The following RAB2A variants were observed in gnomAD, a reference collection of about 807,000 sequenced individuals.
RAB2A encodes RAB2A, member RAS oncogene family, also known as ras-related protein Rab-2A.
Under a neutral mutation model 32.5 loss-of-function variants are expected in RAB2A, and 7 were observed. The observed-to-expected ratio is 0.22, with a 90% CI of 0.12 to 0.40. The LOEUF (loss-of-function observed/expected upper bound fraction) is 0.40. Ranked by LOEUF, RAB2A falls within the 10% of genes least tolerant of loss-of-function variation. The pLI is 1.00. For synonymous variants in RAB2A, 79 were observed against 85.2 expected (o/e 0.93, Z 0.40); for missense variants, 108 against 260.7 (o/e 0.41, Z 4.03).
intron 5 of RAB2A, among the ~76,000 whole-genome samples, chr8:60,587,212 A>G (rs1803865980): frequency 6.6e-6 from 1 of 152,174 alleles, no homozygotes; most frequent in African/African-American, 2.4e-5. Context: ...GTAGATTCAT[A>G]TATATATGAT....
At position 60,575,743 on chromosome 8, in the gene RAB2A, C is replaced by T. The variant is rs367622555; in HGVS notation, c.186+3630C>T. On this transcript the variant is annotated intron_variant, in intron 3 of 7. Transcript: ENST00000262646. The stretch of plus-strand genomic sequence containing the variant: ...TGCAATCTCAGCTCACCGCAACCTC[C>T]GCCTCCCGGGTTCAAGCGATTCTCT... Among the ~76,000 whole-genome samples, 17 of 151,388 alleles carry T rather than the reference C, an allele frequency of 1.1e-4. No homozygotes were observed. In the South Asian group the frequency reaches 1.5e-3, roughly 13 times the overall value.
chr8:60,581,946 C>CTTT (rs386412883), intron 3 of RAB2A, among the ~76,000 whole-genome samples: 35 of 140,392 alleles, frequency 2.5e-4, no homozygotes, highest in East Asian at 8.2e-4. Flanking sequence ...GTTTTTCTTT[C>CTTT]TTTTTTTTTT....
At chr8:60,595,660 AG>A (rs1429101778) in intron 6 of RAB2A, among the ~76,000 whole-genome samples, 1 of 152,224 alleles carries the variant, frequency 6.6e-6, no homozygotes. Context: ...TAATGATAAA[AG>A]AATCAGCCCT....
intron 5 of RAB2A, among the ~76,000 whole-genome samples, chr8:60,588,181 G>A (rs994224218): frequency 6.6e-6 from 1 of 152,088 alleles, no homozygotes; most frequent in African/African-American, 2.4e-5. Flanking sequence ...TACTCCAGAG[G>A]CTGAGGTGGT....
chr8:60,562,611 T>C lies in RAB2A; in HGVS notation c.118+3688T>C, dbSNP rs115635861. Among the ~76,000 whole-genome samples the C allele has an allele frequency of 1.9e-3, 293 of 152,284 alleles. 1 individual carries two copies. Among genetic ancestry groups the C allele is most frequent in the Middle Eastern group, 0.017 (5 of 294 alleles). ...CATTCACTATGCAGAGTCTCAATAT[T>C]TAAGATGTTTCAGGATATTTGAGGT... On this transcript the variant is annotated intron_variant, in intron 2 of 7. Coordinates refer to ENST00000262646, the MANE Select transcript of RAB2A (RefSeq NM_002865.3).
At chr8:60,557,535 CAAAA>C in intron 1 of RAB2A, among the ~76,000 whole-genome samples, 1 of 151,926 alleles carries the variant, frequency 6.6e-6, no homozygotes, top group Middle Eastern at 3.4e-3. Flanking sequence ...AACAAACAAA[CAAAA>C]AAAGATTTTC....
chr8:60,531,442 A>G (rs981504714), intron 1 of RAB2A, among the ~76,000 whole-genome samples: 1 of 152,226 alleles, frequency 6.6e-6, no homozygotes, highest in African/African-American at 2.4e-5. Context: ...TATACCTCAC[A>G]GGATTTTTGT....
At chr8:60,526,045 ATATATATATAT>A (rs1254123475) in intron 1 of RAB2A, among the ~76,000 whole-genome samples, 4 of 126,742 alleles carry the variant, frequency 3.2e-5, no homozygotes, top group African/African-American at 5.8e-5. Flanking sequence ...ATATATATAT[ATATATATATAT>A]AAGTTTTCTG....
intron 1 of RAB2A, among the ~76,000 whole-genome samples, chr8:60,533,818 A>G (rs974769392): frequency 7.2e-5 from 11 of 152,096 alleles, no homozygotes; most frequent in Non-Finnish European, 1.5e-4. Flanking sequence ...TAAAATACAA[A>G]AATTAGCTGG....
chr8:60,565,394 G>C (rs186888047), intron 2 of RAB2A, among the ~76,000 whole-genome samples: 1 of 144,270 alleles, frequency 6.9e-6, no homozygotes, highest in Non-Finnish European at 1.5e-5. Context: ...ACTCCAGCCT[G>C]GGCAACAGAG....
chr8:60,521,433 A>G (rs1349099881), intron 1 of RAB2A, among the ~76,000 whole-genome samples: 2 of 152,190 alleles, frequency 1.3e-5, no homozygotes, highest in Admixed American at 1.3e-4. Context: ...TTGAAATTAC[A>G]AGGTTATGTA....
intron 6 of RAB2A, among the ~76,000 whole-genome samples, chr8:60,601,091 T>G (rs559796447): frequency 6.6e-6 from 1 of 152,314 alleles, no homozygotes; most frequent in African/African-American, 2.4e-5. Flanking sequence ...AAATGAGAAT[T>G]CATCAGGAAG....
chr8:60,531,369 G>C (rs1285626387), intron 1 of RAB2A, among the ~76,000 whole-genome samples: 1 of 152,150 alleles, frequency 6.6e-6, no homozygotes, highest in African/African-American at 2.4e-5. Flanking sequence ...CCTCAGTAAA[G>C]TTCATACCTC....
chr8:60,571,569 T>C (rs368543074), intron 2 of RAB2A, among the ~76,000 whole-genome samples: 1 of 152,176 alleles, frequency 6.6e-6, no homozygotes, highest in Non-Finnish European at 1.5e-5. Context: ...TGTTAAAACA[T>C]TGATTATAGC....
At chr8:60,605,905 T>C (rs971778521) in intron 6 of RAB2A, among the ~76,000 whole-genome samples, 2 of 148,344 alleles carry the variant, frequency 1.3e-5, no homozygotes, top group Non-Finnish European at 3.0e-5. Context: ...TCCCAGCACT[T>C]TGGGAGGCCA....
intron 1 of RAB2A, among the ~76,000 whole-genome samples, chr8:60,544,535 T>A (rs1235781329): frequency 1.3e-5 from 2 of 149,858 alleles, no homozygotes; most frequent in Non-Finnish European, 3.0e-5. Flanking sequence ...AGGAATGCTA[T>A]TTTTTTTCCC....
At chr8:60,607,290 G>A (rs1032572904) in intron 6 of RAB2A, among the ~76,000 whole-genome samples, 7 of 151,530 alleles carry the variant, frequency 4.6e-5, no homozygotes, top group Middle Eastern at 3.4e-3. Context: ...TTAGCCGGGC[G>A]TGGTGGCAGG....
chr8:60,554,864 G>A (rs1296347541), intron 1 of RAB2A, among the ~76,000 whole-genome samples: 3 of 151,556 alleles, frequency 2.0e-5, no homozygotes, highest in African/African-American at 7.3e-5. Flanking sequence ...AAAAAAAAAA[G>A]AAAGAAAAAA....
At chr8:60,563,406 C>G (rs1227712352) in intron 2 of RAB2A, among the ~76,000 whole-genome samples, 1 of 152,164 alleles carries the variant, frequency 6.6e-6, no homozygotes, top group African/African-American at 2.4e-5. Context: ...TGTTAAAGAA[C>G]CTACTGAATC....
Sources: gnomAD v4.1 joint callset for allele counts (sites outside exome capture counted in the v4.1 genomes callset) on GRCh38, gnomAD v4.1.1 for gene constraint, MANE v1.5 for transcripts, NCBI Gene and HGNC (gene_info 2026-07-23, HGNC 2026-07-21) for gene names.